The following CCDC171 variants were observed in gnomAD, a reference collection of about 807,000 sequenced individuals.
CCDC171 encodes coiled-coil domain-containing protein 171.
In CCDC171, 177 loss-of-function variants were observed where a neutral mutation model predicts 168.2. The observed-to-expected ratio is 1.05, with a 90% CI of 0.93 to 1.19. CCDC171 has a LOEUF of 1.19. CCDC171 is among the 50% of genes most tolerant of loss of function. The pLI is 0.00. For missense variants in CCDC171, 1,991 were observed against 1,539.0 expected, an observed-to-expected ratio of 1.29 and a Z score of -4.91; for synonymous variants, 687 against 540.8, an observed-to-expected ratio of 1.27 and a Z score of -3.75.
intron 16 of CCDC171, among the ~76,000 whole-genome samples, chr9:15,738,000 T>A (rs1254108360): frequency 6.6e-6 from 1 of 152,236 alleles, no homozygotes; most frequent in Non-Finnish European, 1.5e-5. Flanking sequence ...AATTTATGTT[T>A]GTTATATTTT....
chr9:16,050,752 C>T (rs375825655), intron 1 of CCDC171, among the ~76,000 whole-genome samples: 21 of 152,296 alleles, frequency 1.4e-4, no homozygotes, highest in African/African-American at 4.6e-4. Flanking sequence ...TGTATATCTG[C>T]GTTTGTGAAA....
chr9:15,961,955 A>T (rs192757147), intron 25 of CCDC171, among the ~76,000 whole-genome samples: 25 of 152,268 alleles, frequency 1.6e-4, no homozygotes, highest in Middle Eastern at 3.4e-3. Context: ...TCTACATGCC[A>T]CCTGTTTTTG....
intron 8 of CCDC171, among the ~76,000 whole-genome samples, chr9:15,665,721 C>T (rs1183844434): frequency 6.6e-6 from 1 of 152,192 alleles, no homozygotes; most frequent in East Asian, 1.9e-4. Flanking sequence ...TTCAAGGCTG[C>T]AGTGAGCTAT....
At chr9:15,757,729 TC>T (rs2056210729) in intron 18 of CCDC171, among the ~76,000 whole-genome samples, 1 of 152,064 alleles carries the variant, frequency 6.6e-6, no homozygotes, top group Non-Finnish European at 1.5e-5. Context: ...AGTCCCAGGG[TC>T]CCCCGTGCTG....
chr9:15,725,111 C>G (rs2053714990), intron 14 of CCDC171, 135 bp downstream of exon 14: 1 of 646,192 alleles, frequency 1.5e-6, no homozygotes, highest in Admixed American at 2.9e-5. Context: ...TTTGTGACAG[C>G]TACAAAATCA....
intron 6 of CCDC171, among the ~76,000 whole-genome samples, chr9:16,030,405 A>T (rs748838120): frequency 6.6e-6 from 1 of 152,234 alleles, no homozygotes; most frequent in Non-Finnish European, 1.5e-5. Flanking sequence ...TTGTTTAGAT[A>T]TAAAAATGTG....
the CCDC171 span, among the ~76,000 whole-genome samples, chr9:16,106,672 G>C: frequency 1.3e-5 from 2 of 152,220 alleles, no homozygotes; most frequent in Non-Finnish European, 2.9e-5. Flanking sequence ...CGCCTAACAA[G>C]GGATTGTTAT....
At chr9:16,003,775 A>G (rs1263862976) in intron 3 of CCDC171, among the ~76,000 whole-genome samples, 1 of 152,202 alleles carries the variant, frequency 6.6e-6, no homozygotes, top group Non-Finnish European at 1.5e-5. Flanking sequence ...AAGAGGTATT[A>G]TATGTATGAG....
chr9:15,802,946 A>C (rs1052367472), intron 21 of CCDC171, among the ~76,000 whole-genome samples: 5 of 151,852 alleles, frequency 3.3e-5, no homozygotes, highest in Admixed American at 2.6e-4. Context: ...AGTAATAGCC[A>C]CTCTGACTGG....
chr9:15,832,663 T>TAG (rs2136255243), intron 21 of CCDC171, among the ~76,000 whole-genome samples: 1 of 152,314 alleles, frequency 6.6e-6, no homozygotes, highest in South Asian at 2.1e-4. Flanking sequence ...TTGCTCTGAG[T>TAG]GACTCAGTGA....
At chr9:15,975,113 A>G (rs780116000), downstream of CCDC171, among the ~76,000 whole-genome samples, 39 of 152,160 alleles carry the variant, frequency 2.6e-4, no homozygotes, top group Non-Finnish European at 5.3e-4. Flanking sequence ...AAGGTGGAAG[A>G]TAATTAATAT....
At chr9:15,901,594 C>T (rs543705395) in intron 24 of CCDC171, among the ~76,000 whole-genome samples, 1 of 152,102 alleles carries the variant, frequency 6.6e-6, no homozygotes, top group Non-Finnish European at 1.5e-5. Flanking sequence ...ACTTTGTTGA[C>T]TATAAATACA....
chr9:15,947,147 G>T (rs925039290), intron 25 of CCDC171, among the ~76,000 whole-genome samples: 1 of 151,888 alleles, frequency 6.6e-6, no homozygotes, highest in Non-Finnish European at 1.5e-5. Context: ...AGTGATGTGT[G>T]TCACCATTGT....
intron 23 of CCDC171, among the ~76,000 whole-genome samples, chr9:15,856,428 T>A (rs1213484768): frequency 6.6e-6 from 1 of 152,026 alleles, no homozygotes; most frequent in Non-Finnish European, 1.5e-5. Flanking sequence ...AGTGGAATTA[T>A]GTGGTATTTG....
At position 15,971,715 on chromosome 9, in the gene CCDC171, C is replaced by A. The variant is rs771526903; in HGVS notation, c.3860C>A (p.Thr1287Asn). Residue 1287 changes from threonine (T) to asparagine (N), a missense_variant, in exon 26 of 26, where the codon ACT becomes AAT. By Grantham distance (65) the Thr-to-Asn change is moderately conservative. Coordinates refer to ENST00000380701, the MANE Select transcript of CCDC171 (RefSeq NM_173550.4). ...TTACCATTGAAAGCTGAACTTGATA[C>A]TACTTACACTTTCTTAAAGGAGACA... ...DFLPLKAELD[T>N]TYTFLKETFI... The A allele has an allele frequency of 1.2e-6, 2 of 1,613,656 alleles. No individual in the cohort carries two copies. Among genetic ancestry groups the A allele is most frequent in the Non-Finnish European group, 1.7e-6 (2 of 1,179,742 alleles).
chr9:15,620,901 A>G (rs1252222143), intron 6 of CCDC171, among the ~76,000 whole-genome samples: 6 of 152,198 alleles, frequency 3.9e-5, no homozygotes, highest in Non-Finnish European at 8.8e-5. Context: ...ACCATTAAAG[A>G]TGATGACTTC....
chr9:15,634,026 G>T (rs1005528007), intron 7 of CCDC171, among the ~76,000 whole-genome samples: 3 of 152,044 alleles, frequency 2.0e-5, no homozygotes, highest in African/African-American at 7.2e-5. Flanking sequence ...GGACTGTTGT[G>T]GGGTGGGGAG....
chr9:16,081,529 A>G, the CCDC171 span, among the ~76,000 whole-genome samples: 2 of 152,170 alleles, frequency 1.3e-5, no homozygotes, highest in Non-Finnish European at 2.9e-5. Flanking sequence ...TTGACAGTCA[A>G]TTTGCAATCG....
the CCDC171 span, among the ~76,000 whole-genome samples, chr9:16,092,120 G>A: frequency 1.3e-5 from 2 of 152,160 alleles, no homozygotes; most frequent in African/African-American, 2.4e-5. Context: ...ACACAACTTG[G>A]AAAAGCAAAT....
Sources: gnomAD v4.1 joint callset for allele counts (sites outside exome capture counted in the v4.1 genomes callset) on GRCh38, gnomAD v4.1.1 for gene constraint, MANE v1.5 for transcripts, NCBI Gene and HGNC (gene_info 2026-07-23, HGNC 2026-07-21) for gene names.